The following BICD1 variants were observed in gnomAD, a reference collection of about 807,000 sequenced individuals.
BICD1 encodes protein bicaudal D homolog 1.
Under a neutral mutation model 92.5 loss-of-function variants are expected in BICD1, and 35 were observed. The ratio of observed to expected loss-of-function variants is 0.38; its 90% CI spans 0.29 to 0.50. BICD1 has a LOEUF of 0.50. Among genes scored for constraint, BICD1 ranks in the 20% least tolerant of loss-of-function variants. The pLI, the probability that BICD1 is intolerant of heterozygous loss-of-function variation, is 0.93. For synonymous variants in BICD1, 429 were observed against 465.1 expected, an observed-to-expected ratio of 0.92 and a Z score of 1.00; for missense variants, 950 against 1,189.8, an observed-to-expected ratio of 0.80 and a Z score of 2.97.
intron 4 of BICD1, among the ~76,000 whole-genome samples, chr12:32,324,920 A>G (rs1440374920): frequency 4.6e-5 from 7 of 152,134 alleles, no homozygotes; most frequent in Non-Finnish European, 1.0e-4. Context: ...ATTTGCCTCC[A>G]CTAAATTTCT....
rs1182137829 is a variant in BICD1 at position 32,376,883 on chromosome 12, G to C, written c.2841-657G>C. On this transcript the variant is annotated intron_variant, in intron 9 of 9. Transcript: ENST00000652176. The stretch of plus-strand genomic sequence containing the variant: ...ACTCCATCTAAAAAAAAAAGGGGGG[G>C]GGGGGTGAAATATAAAACTCTTCCT... Among the ~76,000 whole-genome samples, 19 of 143,614 alleles carry C rather than the reference G, an allele frequency of 1.3e-4. No individual in the cohort carries two copies. In the East Asian group the frequency reaches 3.2e-3, roughly 24 times the overall value. 94.2% of individuals were successfully genotyped at this position (143,614 alleles called of 152,430 possible).
In BICD1 at chr12:32,224,683, G is replaced by T. The variant is rs565760018; in HGVS notation, c.426+8224G>T. Among the ~76,000 whole-genome samples the T allele has an allele frequency of 4.6e-5, 7 of 152,228 alleles. No individual in the cohort carries two copies. The East Asian group carries it at 5.8e-4, about 13-fold the overall frequency. ...TGCAATTCAGGCTCATAGAATTTTT[G>T]TGTGTGTGTATACAGTTGTATCGAT... On this transcript the variant is annotated intron_variant, in intron 2 of 9. Transcript: ENST00000652176.
intron 3 of BICD1, among the ~76,000 whole-genome samples, chr12:32,298,192 A>C (rs1287799672): frequency 6.6e-6 from 1 of 151,758 alleles, no homozygotes; most frequent in Non-Finnish European, 1.5e-5. Context: ...CAAAAAAAAA[A>C]AATGGGAAAA....
At chr12:32,265,146 C>T (rs1946956556) in intron 2 of BICD1, among the ~76,000 whole-genome samples, 1 of 151,766 alleles carries the variant, frequency 6.6e-6, no homozygotes, top group South Asian at 2.1e-4. Context: ...TACATTGCCT[C>T]CAAGCAGAAG....
chr12:32,190,512 A>G (rs1280704682), intron 1 of BICD1, among the ~76,000 whole-genome samples: 2 of 152,266 alleles, frequency 1.3e-5, no homozygotes, highest in South Asian at 4.1e-4. Context: ...GAAGATCACT[A>G]TATAATAATA....
intron 2 of BICD1, among the ~76,000 whole-genome samples, chr12:32,277,269 C>T (rs1947301546): frequency 6.6e-6 from 1 of 152,164 alleles, no homozygotes; most frequent in Non-Finnish European, 1.5e-5. Context: ...TGGCACGCAC[C>T]TGTAATCCCA....
chr12:32,233,015 G>A (rs1488771562), intron 2 of BICD1, among the ~76,000 whole-genome samples: 4 of 152,268 alleles, frequency 2.6e-5, no homozygotes, highest in South Asian at 4.2e-4. Context: ...AGGACATAAT[G>A]TAGAAATGGC....
At chr12:32,199,714 A>G (rs1208355477) in intron 1 of BICD1, among the ~76,000 whole-genome samples, 1 of 152,098 alleles carries the variant, frequency 6.6e-6, no homozygotes, top group African/African-American at 2.4e-5. Flanking sequence ...AATTTACTTA[A>G]TCTAAATGGG....
At chr12:32,178,911 C>T (rs1944195693) in intron 1 of BICD1, among the ~76,000 whole-genome samples, 1 of 151,976 alleles carries the variant, frequency 6.6e-6, no homozygotes, top group Non-Finnish European at 1.5e-5. Context: ...GGACGTCACT[C>T]AGTTTTGCAT....
chr12:32,190,850 C>CAA (rs1336425924), intron 1 of BICD1, among the ~76,000 whole-genome samples: 1 of 152,096 alleles, frequency 6.6e-6, no homozygotes. Context: ...TGTTGGGCCA[C>CAA]AAAACAAGAC....
At chr12:32,351,660 T>C (rs1224999285) in intron 8 of BICD1, among the ~76,000 whole-genome samples, 1 of 151,920 alleles carries the variant, frequency 6.6e-6, no homozygotes, top group Non-Finnish European at 1.5e-5. Context: ...ATCCCAGCAC[T>C]TTGGGAGGCC....
Position 32,345,678 on chromosome 12 carries a change from A to G in BICD1, c.2764+6699A>G, listed in dbSNP as rs557298884. Among the ~76,000 whole-genome samples, 9 of 152,344 alleles carry G rather than the reference A, an allele frequency of 5.9e-5. No individual in the cohort carries two copies. The South Asian group carries it at 1.2e-3, about 21-fold the overall frequency. On this transcript the variant is annotated intron_variant, in intron 8 of 9. Transcript: ENST00000652176. Reference sequence around the variant, plus strand: ...AGAAGTTATGAAGGGGAAGGAAGACATGCTTGAGCTCTTTAAGAAAGCTTG... The same window carrying G: ...AGAAGTTATGAAGGGGAAGGAAGACGTGCTTGAGCTCTTTAAGAAAGCTTG...
chr12:32,306,487 G>A (rs886290626), intron 4 of BICD1, among the ~76,000 whole-genome samples: 13 of 151,800 alleles, frequency 8.6e-5, no homozygotes, highest in South Asian at 2.1e-4. Flanking sequence ...TTCGTGATCC[G>A]CCCGCCTTGG....
In BICD1 at chr12:32,192,966, T is replaced by C. The variant is rs188498514; in HGVS notation, c.214-23281T>C. ...ATGAACATCCTTCTTAAAGATGGAA[T>C]CTACTCCTGGTGAAGATGCTGTGGA... On this transcript the variant is annotated intron_variant, in intron 1 of 9. Transcript: ENST00000652176. 3.8e-3 allele frequency among the ~76,000 whole-genome samples: 582 copies of C among 152,348 alleles called. 2 individuals carry two copies. The highest frequency in any genetic ancestry group is 6.6e-3 in the Non-Finnish European group (448 of 68,028).
chr12:32,216,301 C>T lies in BICD1; in HGVS notation c.268C>T (p.Arg90Trp). The T allele has an allele frequency of 6.2e-7, 1 of 1,614,010 alleles. No individual in the cohort carries two copies. The highest frequency in any genetic ancestry group is 8.5e-7 in the Non-Finnish European group (1 of 1,180,018). The change falls in exon 2 of 10, where the codon CGG (arginine) becomes TGG (tryptophan). Residue 90 changes from arginine to tryptophan, a missense_variant. Coordinates refer to ENST00000652176, the MANE Select transcript of BICD1 (RefSeq NM_001714.4). ...GAAGGTTGCTGAAGATGGAGAGACT[C>T]GGGAGGAAACGCTTCTGCAGGAGTC... ...HRKVAEDGET[R>W]EETLLQESAS...
chr12:32,255,506 A>G (rs1312761870), intron 2 of BICD1, among the ~76,000 whole-genome samples: 2 of 152,188 alleles, frequency 1.3e-5, no homozygotes, highest in Non-Finnish European at 2.9e-5. Flanking sequence ...TTCTACAGAT[A>G]TTCCTTGTTT....
chr12:32,294,218 A>C, intron 3 of BICD1, 72 bp downstream of exon 3: 7 of 1,378,602 alleles, frequency 5.1e-6, no homozygotes, highest in East Asian at 2.3e-5. Flanking sequence ...TTAAATCTCC[A>C]AACTTGTCAG....
intron 2 of BICD1, among the ~76,000 whole-genome samples, chr12:32,244,378 A>C (rs1461152392): frequency 6.6e-6 from 1 of 152,112 alleles, no homozygotes; most frequent in Non-Finnish European, 1.5e-5. Flanking sequence ...CAAGGTTTTC[A>C]TCATTTTTTA....
At chr12:32,288,958 C>T (rs1044713268) in intron 2 of BICD1, among the ~76,000 whole-genome samples, 6 of 152,074 alleles carry the variant, frequency 3.9e-5, no homozygotes, top group African/African-American at 1.4e-4. Flanking sequence ...AGAAGAGGTA[C>T]ATAGGCTTCA....
Sources: gnomAD v4.1 joint callset for allele counts (sites outside exome capture counted in the v4.1 genomes callset) on GRCh38, gnomAD v4.1.1 for gene constraint, MANE v1.5 for transcripts, NCBI Gene and HGNC (gene_info 2026-07-23, HGNC 2026-07-21) for gene names.